The following MYO7A variants were observed in gnomAD, a reference collection of about 807,000 sequenced individuals.
MYO7A encodes the protein myosin VIIA.
Under a neutral mutation model 263.8 loss-of-function variants are expected in MYO7A, and 210 were observed. The observed-to-expected ratio is 0.80, with a 90% CI of 0.71 to 0.89. The LOEUF (loss-of-function observed/expected upper bound fraction) is 0.89. Ranked by LOEUF, MYO7A falls within the 40% of genes least tolerant of loss-of-function variation. MYO7A has a pLI of 0.00. For synonymous variants in MYO7A, 1,239 were observed against 1,197.3 expected (o/e 1.03, Z -0.72); for missense variants, 2,820 against 2,968.3 (o/e 0.95, Z 1.16).
intron 14 of MYO7A, 56 bp from the exon 15 acceptor site, chr11:77,166,000 G>T: frequency 7.5e-7 from 1 of 1,336,994 alleles, no homozygotes; most frequent in Non-Finnish European, 1.1e-6. Flanking sequence ...GATGTTATGG[G>T]TTTGGGGAGG....
rs1455869924 is a variant in MYO7A at position 77,138,760 on chromosome 11, G to A, written c.19-3949G>A. Among the ~76,000 whole-genome samples the A allele has an allele frequency of 2.0e-5, 3 of 152,214 alleles. No homozygotes were observed. Among genetic ancestry groups the A allele is most frequent in the Non-Finnish European group, 2.9e-5 (2 of 68,042 alleles). On this transcript the variant is annotated intron_variant, in intron 2 of 48. Transcript: ENST00000409709. This position sits in a 1 kb window ranked among gnomAD's most constrained non-coding sequence, Gnocchi z 4.9. Reference sequence around the variant, plus strand: ...GCCATAGTTTATGGACTGGCTGACCGCTGATGGAAGAGAAAGCTAGGCCCA... The same window carrying A: ...GCCATAGTTTATGGACTGGCTGACCACTGATGGAAGAGAAAGCTAGGCCCA...
At chr11:77,207,258 G>A in intron 41 of MYO7A, 31 bp from the exon 42 acceptor site, 1 of 1,527,872 alleles carries the variant, frequency 6.5e-7, no homozygotes, top group Non-Finnish European at 9.0e-7. Flanking sequence ...GAAAGGCCCT[G>A]CAGGAGCCCA....
chr11:77,192,402 A>C, intron 31 of MYO7A, 124 bp downstream of exon 31: 1 of 986,352 alleles, frequency 1.0e-6, no homozygotes, highest in Non-Finnish European at 1.6e-6. Context: ...GACTGCAACC[A>C]GGCACTCTTC....
At chr11:77,176,459 C>T (rs527438430) in intron 18 of MYO7A, among the ~76,000 whole-genome samples, 13 of 152,272 alleles carry the variant, frequency 8.5e-5, no homozygotes, top group Admixed American at 8.5e-4. Context: ...TTCACAGGCT[C>T]AGAGAGAAGT....
At chr11:77,171,536 C>T (rs1555075955) in intron 15 of MYO7A, among the ~76,000 whole-genome samples, 1 of 152,186 alleles carries the variant, frequency 6.6e-6, no homozygotes, top group Non-Finnish European at 1.5e-5. Flanking sequence ...TCTCGGAAGG[C>T]CTCATCACAG....
intron 31 of MYO7A, among the ~76,000 whole-genome samples, chr11:77,193,600 G>T (rs990681504): frequency 6.6e-6 from 1 of 152,120 alleles, no homozygotes; most frequent in East Asian, 1.9e-4. Flanking sequence ...GGTGGTATTG[G>T]TGGTAAGCAA....
At chr11:77,178,172 TC>T (rs1471745838) in intron 19 of MYO7A, among the ~76,000 whole-genome samples, 1 of 2,286 alleles carries the variant, frequency 4.4e-4, no homozygotes, top group Non-Finnish European at 1.3e-3. Context: ...TATCCATCCG[TC>T]CGTTCACCCA....
chr11:77,151,721 G>C (rs1565328746), intron 4 of MYO7A, among the ~76,000 whole-genome samples: 1 of 152,262 alleles, frequency 6.6e-6, no homozygotes, highest in East Asian at 1.9e-4. Context: ...TCCTTAGAGA[G>C]ATTGGCCAGA....
intron 42 of MYO7A, among the ~76,000 whole-genome samples, chr11:77,208,076 A>G (rs773169271): frequency 6.6e-5 from 10 of 152,178 alleles, no homozygotes; most frequent in Non-Finnish European, 1.2e-4. Context: ...GGTGACCCCA[A>G]TGAGGTCCTA....
chr11:77,171,268 C>T (rs890276804), intron 15 of MYO7A, among the ~76,000 whole-genome samples: 48 of 152,096 alleles, frequency 3.2e-4, no homozygotes, highest in Middle Eastern at 3.4e-3. Flanking sequence ...TGTGTGCATG[C>T]GTATGCGTGT....
chr11:77,211,569 AC>A lies in MYO7A; in HGVS notation c.6237+234del, dbSNP rs10711382. On this transcript the variant is annotated intron_variant, in intron 45 of 48. Transcript: ENST00000409709. ...TTATCCTGTCCTGGTTACCATGGTGACCTGTTTGTCCTTGATACCCTTTGGT... is the reference window on the plus strand; with the variant it reads ...TTATCCTGTCCTGGTTACCATGGTGACTGTTTGTCCTTGATACCCTTTGGT... Among the ~76,000 whole-genome samples the A allele has an allele frequency of 0.032, 4,839 of 152,204 alleles. 264 individuals are homozygous for A. The highest frequency in any genetic ancestry group is 0.11 in the African/African-American group (4,588 of 41,488).
At chr11:77,149,513 G>T (rs61899972) in intron 4 of MYO7A, among the ~76,000 whole-genome samples, 16,920 of 152,220 alleles carry the variant, frequency 0.11, 1,026 homozygotes, top group Middle Eastern at 0.24. Flanking sequence ...GGGTGCTAGG[G>T]CCCAGGGCTG....
chr11:77,158,135 A>C, intron 8 of MYO7A, 142 bp from the exon 9 acceptor site: 1 of 756,838 alleles, frequency 1.3e-6, no homozygotes, highest in South Asian at 2.7e-5. Flanking sequence ...TGTGGTGCTC[A>C]CCGGGTGAGG....
intron 34 of MYO7A, 34 bp downstream of exon 34, chr11:77,198,655 G>GAC (rs772133139): frequency 1.9e-6 from 3 of 1,612,128 alleles, no homozygotes; most frequent in African/African-American, 2.7e-5. Context: ...CAGACAGACA[G>GAC]AGGGGAAGGA....
chr11:77,134,717 G>T (rs1950861164), intron 2 of MYO7A, among the ~76,000 whole-genome samples: 1 of 148,076 alleles, frequency 6.8e-6, no homozygotes, highest in Admixed American at 6.7e-5. Flanking sequence ...ACTGTCTACT[G>T]TACTCTATTT....
intron 21 of MYO7A, 125 bp from the exon 22 acceptor site, chr11:77,180,249 C>T (rs1194164602): frequency 1.3e-5 from 5 of 373,634 alleles, no homozygotes; most frequent in Non-Finnish European, 2.2e-5. Context: ...TCTTGATTAC[C>T]TCACTTGTCC....
At chr11:77,151,980 C>T (rs1201185140) in intron 4 of MYO7A, among the ~76,000 whole-genome samples, 1 of 152,178 alleles carries the variant, frequency 6.6e-6, no homozygotes, top group Admixed American at 6.5e-5. Flanking sequence ...CTTGGCAAGT[C>T]TCCCACTTCT....
chr11:77,167,973 C>A (rs1953714262), intron 15 of MYO7A, among the ~76,000 whole-genome samples: 1 of 152,194 alleles, frequency 6.6e-6, no homozygotes, highest in Admixed American at 6.5e-5. Context: ...GAAGCACTGG[C>A]ACCCAGGAGA....
rs1197771058 is a variant in MYO7A, at chr11:77,138,205, G to GA, written c.19-4504_19-4503insA. On this transcript the variant is annotated intron_variant, in intron 2 of 48. Coordinates refer to ENST00000409709, the MANE Select transcript of MYO7A (RefSeq NM_000260.4). This position sits in a 1 kb window ranked among gnomAD's most constrained non-coding sequence, Gnocchi z 4.9. ...GCGTCACCTAAGCCGCCGTTGCCATGGGCCCGCAGCAGATGGCCCGGTTTA... is the reference window on the plus strand; with the variant it reads ...GCGTCACCTAAGCCGCCGTTGCCATGAGGCCCGCAGCAGATGGCCCGGTTTA... 1.3e-5 allele frequency among the ~76,000 whole-genome samples: 2 copies of GA among 152,112 alleles called. No homozygotes were observed. Among genetic ancestry groups the GA allele is most frequent in the African/African-American group, 2.4e-5 (1 of 41,422 alleles).
Sources: allele counts gnomAD v4.1 joint callset (sites outside exome capture counted in the v4.1 genomes callset), GRCh38; gene constraint gnomAD v4.1.1; non-coding constraint Gnocchi (gnomAD v3.1); transcripts MANE v1.5; gene names NCBI Gene and HGNC (gene_info 2026-07-23, HGNC 2026-07-21).